The following CAPZB variants were observed in gnomAD, a reference collection of about 807,000 sequenced individuals.
The protein encoded by CAPZB is capping actin protein of muscle Z-line subunit beta.
A neutral mutation model predicts 38.1 loss-of-function variants in CAPZB; 2 were observed. That is an observed-to-expected ratio of 0.05 (90% CI 0.02 to 0.17). The LOEUF is 0.17. Among genes scored for constraint, CAPZB ranks in the 10% least tolerant of loss-of-function variants. The pLI, the probability that CAPZB is intolerant of heterozygous loss-of-function variation, is 1.00. For missense variants in CAPZB, 161 were observed against 334.2 expected, an observed-to-expected ratio of 0.48 and a Z score of 4.04; for synonymous variants, 107 against 127.4, an observed-to-expected ratio of 0.84 and a Z score of 1.08.
intron 1 of CAPZB, among the ~76,000 whole-genome samples, chr1:19,425,378 G>A (rs976147273): frequency 6.8e-6 from 1 of 146,926 alleles, no homozygotes; most frequent in Non-Finnish European, 1.5e-5. Context: ...CACTGTTTCT[G>A]ATGCTGAGTG....
chr1:19,482,387 CA>C (rs1392157152), intron 1 of CAPZB, among the ~76,000 whole-genome samples: 1 of 152,240 alleles, frequency 6.6e-6, no homozygotes, highest in East Asian at 1.9e-4. Flanking sequence ...CACCTTGTAA[CA>C]ATACCAAGTT....
At chr1:19,371,402 T>C (rs1165268169) in intron 4 of CAPZB, among the ~76,000 whole-genome samples, 2 of 152,152 alleles carry the variant, frequency 1.3e-5, no homozygotes, top group Non-Finnish European at 2.9e-5. Flanking sequence ...GCCTGGAAGG[T>C]GCTGGCTGGA....
intron 1 of CAPZB, among the ~76,000 whole-genome samples, chr1:19,439,012 A>G (rs932575587): frequency 1.3e-5 from 2 of 152,238 alleles, no homozygotes; most frequent in Non-Finnish European, 2.9e-5. Flanking sequence ...TTCCCTCATC[A>G]GTTGGGATTC....
rs571123274 is a variant in CAPZB at position 19,441,219 on chromosome 1, G to A, written c.4-21469C>T. Among the ~76,000 whole-genome samples, 14 of 152,214 alleles carry A rather than the reference G, an allele frequency of 9.2e-5. 1 individual carries two copies. Among genetic ancestry groups the A allele is most frequent in the South Asian group, 2.1e-4 (1 of 4,834 alleles). Reference sequence around the variant, plus strand: ...CCCTGCATTCCTGCCCATGCAGCTCGTGACCCAGCTACAGCCTTGGGTCTG... The same window carrying A: ...CCCTGCATTCCTGCCCATGCAGCTCATGACCCAGCTACAGCCTTGGGTCTG... On this transcript the variant is annotated intron_variant, in intron 1 of 8. Coordinates refer to ENST00000264202, the MANE Select transcript of CAPZB (RefSeq NM_004930.5).
chr1:19,382,256 A>T (rs2094179638), intron 3 of CAPZB, among the ~76,000 whole-genome samples: 2 of 152,208 alleles, frequency 1.3e-5, no homozygotes, highest in Admixed American at 1.3e-4. Flanking sequence ...GGGTAATTGT[A>T]GCTGAGGGAA....
At chr1:19,422,669 A>G (rs1443800112) in intron 1 of CAPZB, among the ~76,000 whole-genome samples, 2 of 151,972 alleles carry the variant, frequency 1.3e-5, no homozygotes, top group East Asian at 3.9e-4. Context: ...CCCGGGAGGC[A>G]GAGCTTGCAG....
chr1:19,414,465 ATAGAG>A (rs938793375), intron 2 of CAPZB, among the ~76,000 whole-genome samples: 8 of 152,140 alleles, frequency 5.3e-5, no homozygotes, highest in African/African-American at 1.9e-4. Flanking sequence ...CTTCCCCTTG[ATAGAG>A]TAAAGTCTGG....
chr1:19,468,554 C>T (rs1025425507), intron 1 of CAPZB, among the ~76,000 whole-genome samples: 4 of 152,006 alleles, frequency 2.6e-5, no homozygotes, highest in Non-Finnish European at 5.9e-5. Flanking sequence ...ATCAGCTGTG[C>T]GGCAGGGTGG....
chr1:19,455,141 G>A (rs894065132), intron 1 of CAPZB, among the ~76,000 whole-genome samples: 2 of 152,244 alleles, frequency 1.3e-5, no homozygotes, highest in African/African-American at 2.4e-5. Context: ...GTGGCAGACA[G>A]AGACAATTCA....
At chr1:19,432,948 A>C (rs2094447209) in intron 1 of CAPZB, among the ~76,000 whole-genome samples, 1 of 152,218 alleles carries the variant, frequency 6.6e-6, no homozygotes, top group Admixed American at 6.5e-5. Context: ...GAAATCTGTC[A>C]CCGTGGATTA....
intron 4 of CAPZB, among the ~76,000 whole-genome samples, chr1:19,376,273 C>T (rs375062847): frequency 1.1e-4 from 17 of 152,284 alleles, no homozygotes; most frequent in South Asian, 1.0e-3. Context: ...CACGTTAGCT[C>T]CCCAAGCTGG....
chr1:19,342,881 AGAT>A lies in CAPZB; in HGVS notation c.731+1474_731+1476del, dbSNP rs781520527. 19 of 1,434,590 alleles carry A rather than the reference AGAT, an allele frequency of 1.3e-5. No individual in the cohort carries two copies. In the South Asian group the frequency reaches 2.2e-4, roughly 16 times the overall value. The allele number at this position is 1,434,590 out of a possible 1,614,324, so 88.9% of individuals were successfully genotyped here. ...TCAATAGATCTACAGAGAGTGTTCA[AGAT>A]GAGTGGAGTGGGAGGGAAGAGAACG... On this transcript the variant is annotated intron_variant, in intron 8 of 8. Coordinates refer to ENST00000264202, the MANE Select transcript of CAPZB (RefSeq NM_004930.5).
intron 1 of CAPZB, among the ~76,000 whole-genome samples, chr1:19,451,959 T>C (rs574241511): frequency 1.3e-5 from 2 of 152,308 alleles, no homozygotes; most frequent in Non-Finnish European, 2.9e-5. Flanking sequence ...ATTGTAATTA[T>C]TATTTTATTA....
chr1:19,459,589 C>T (rs945843115), intron 1 of CAPZB, among the ~76,000 whole-genome samples: 7 of 152,212 alleles, frequency 4.6e-5, no homozygotes, highest in Admixed American at 2.6e-4. Context: ...TGCCAGTACC[C>T]GGACAGCCAC....
At chr1:19,397,839 C>G (rs1019012054) in intron 2 of CAPZB, among the ~76,000 whole-genome samples, 3 of 152,242 alleles carry the variant, frequency 2.0e-5, no homozygotes, top group Admixed American at 2.0e-4. Flanking sequence ...AGGGGGAAGC[C>G]TGAGGGCGCG....
rs150890329 is a variant in CAPZB, at chr1:19,449,360, A to C, written c.4-29610T>G. 3.5e-3 allele frequency: 3,514 copies of C among 1,017,392 alleles called. 8 individuals carry two copies. The highest frequency in any genetic ancestry group is 3.7e-3 in the Non-Finnish European group (3,170 of 847,052). The allele number at this position is 1,017,392 out of a possible 1,614,324, so 63.0% of individuals were successfully genotyped here. Reference sequence around the variant, plus strand: ...GGAACGGGGAAGATTTTGCCAGTGAATCAGACCTTGTCTCTATGCCATCCA... The same window carrying C: ...GGAACGGGGAAGATTTTGCCAGTGACTCAGACCTTGTCTCTATGCCATCCA... On this transcript the variant is annotated intron_variant, in intron 1 of 8. Coordinates refer to ENST00000264202, the MANE Select transcript of CAPZB (RefSeq NM_004930.5).
intron 2 of CAPZB, among the ~76,000 whole-genome samples, chr1:19,409,914 C>A (rs1009268443): frequency 2.6e-5 from 4 of 152,282 alleles, no homozygotes; most frequent in South Asian, 2.1e-4. Context: ...CTTTCATGTT[C>A]GTTTAATAGT....
chr1:19,375,185 G>T (rs1348140239), intron 4 of CAPZB, among the ~76,000 whole-genome samples: 1 of 151,934 alleles, frequency 6.6e-6, no homozygotes, highest in South Asian at 2.1e-4. Context: ...TTTTAAAAAA[G>T]AAAAAAAAGA....
At chr1:19,380,208 T>C (rs1356523244) in intron 3 of CAPZB, among the ~76,000 whole-genome samples, 4 of 152,150 alleles carry the variant, frequency 2.6e-5, no homozygotes, top group African/African-American at 9.7e-5. Flanking sequence ...AAACGGTATG[T>C]AGGGGAAGAG....
Sources: allele counts gnomAD v4.1 joint callset (sites outside exome capture counted in the v4.1 genomes callset), GRCh38; gene constraint gnomAD v4.1.1; transcripts MANE v1.5; gene names NCBI Gene and HGNC (gene_info 2026-07-23, HGNC 2026-07-21).